ZNF804B: variants seen among roughly 807,000 people sequenced by gnomAD.
The protein encoded by ZNF804B is zinc finger 804B.
ZNF804B carries 80 observed loss-of-function variants against 101.4 expected under a neutral mutation model. That is an observed-to-expected ratio of 0.79 (90% CI 0.66 to 0.95). The LOEUF (loss-of-function observed/expected upper bound fraction) is 0.95. Ranked by LOEUF, ZNF804B falls within the 40% of genes least tolerant of loss-of-function variation. ZNF804B has a pLI of 0.00. For synonymous variants in ZNF804B, 622 were observed against 558.8 expected, an observed-to-expected ratio of 1.11 and a Z score of -1.59; for missense variants, 1,673 against 1,561.9, an observed-to-expected ratio of 1.07 and a Z score of -1.20.
intron 1 of ZNF804B, among the ~76,000 whole-genome samples, chr7:88,777,782 A>G (rs567611084): frequency 6.9e-6 from 1 of 144,988 alleles, no homozygotes; most frequent in Non-Finnish European, 1.5e-5. Flanking sequence ...CCAGAGGCAG[A>G]GGTTGCAGTG....
chr7:89,302,725 G>A (rs1264622663), intron 2 of ZNF804B, among the ~76,000 whole-genome samples: 1 of 151,822 alleles, frequency 6.6e-6, no homozygotes, highest in African/African-American at 2.4e-5. Context: ...TTCAGTTTTA[G>A]TAGATTTTGT....
chr7:88,876,870 A>T (rs1457317892), intron 1 of ZNF804B, among the ~76,000 whole-genome samples: 1 of 150,560 alleles, frequency 6.6e-6, no homozygotes, highest in Admixed American at 6.6e-5. Context: ...ACCACTTAAA[A>T]AGTATGTTGA....
At chr7:89,175,679 T>C (rs1791306691) in intron 1 of ZNF804B, among the ~76,000 whole-genome samples, 1 of 152,070 alleles carries the variant, frequency 6.6e-6, no homozygotes, top group African/African-American at 2.4e-5. Flanking sequence ...ATTTTAACAA[T>C]ATTAACTCTT....
intron 1 of ZNF804B, among the ~76,000 whole-genome samples, chr7:89,157,475 AT>A (rs944955895): frequency 8.6e-5 from 13 of 150,978 alleles, no homozygotes; most frequent in Non-Finnish European, 1.8e-4. Flanking sequence ...ATGGCACATT[AT>A]TTTTTTTCAT....
At chr7:88,901,439 A>G (rs1212670532) in intron 1 of ZNF804B, among the ~76,000 whole-genome samples, 1 of 151,884 alleles carries the variant, frequency 6.6e-6, no homozygotes, top group African/African-American at 2.4e-5. Context: ...ATTCCATGAA[A>G]CGTCCATTAT....
chr7:89,056,087 G>A (rs1197799407), intron 1 of ZNF804B, among the ~76,000 whole-genome samples: 2 of 152,104 alleles, frequency 1.3e-5, no homozygotes, highest in Non-Finnish European at 2.9e-5. Flanking sequence ...CAAGGTTAGA[G>A]GAGCATTGAT....
At chr7:89,124,295 T>C (rs1460339900) in intron 1 of ZNF804B, among the ~76,000 whole-genome samples, 1 of 152,086 alleles carries the variant, frequency 6.6e-6, no homozygotes, top group Non-Finnish European at 1.5e-5. Flanking sequence ...AAACAATAAT[T>C]CTCAGTCTAG....
At chr7:89,203,823 C>A (rs1268183339) in intron 1 of ZNF804B, among the ~76,000 whole-genome samples, 2 of 152,104 alleles carry the variant, frequency 1.3e-5, no homozygotes, top group Non-Finnish European at 1.5e-5. Flanking sequence ...AAAAGCAAAG[C>A]CATTGGCTTT....
At chr7:88,882,758 A>G (rs2115910812) in intron 1 of ZNF804B, among the ~76,000 whole-genome samples, 1 of 152,272 alleles carries the variant, frequency 6.6e-6, no homozygotes, top group Middle Eastern at 3.4e-3. Flanking sequence ...AGGAATGGAA[A>G]AACAAATACT....
chr7:88,865,261 G>A (rs1791710101), intron 1 of ZNF804B, among the ~76,000 whole-genome samples: 2 of 151,624 alleles, frequency 1.3e-5, no homozygotes. Flanking sequence ...ACCAGTTACG[G>A]TGGCTTACAC....
rs186618470 is a variant in ZNF804B at position 89,038,310 on chromosome 7, A to G, written c.109-179845A>G. 9.7e-3 allele frequency among the ~76,000 whole-genome samples: 1,483 copies of G among 152,300 alleles called. 14 individuals are homozygous for G. The highest frequency in any genetic ancestry group is 0.017 in the Non-Finnish European group (1,151 of 68,020). ...AGTGTACGAGAGTTCCCTTCTCTCC[A>G]CATCCTTGCCAACACTTACTTTTTG... On this transcript the variant is annotated intron_variant, in intron 1 of 3. Coordinates refer to ENST00000333190, the MANE Select transcript of ZNF804B (RefSeq NM_181646.5).
At chr7:88,973,337 A>T (rs1349054611) in intron 1 of ZNF804B, among the ~76,000 whole-genome samples, 1 of 151,368 alleles carries the variant, frequency 6.6e-6, no homozygotes, top group Non-Finnish European at 1.5e-5. Context: ...AGCTTGTAAG[A>T]TATAGAATAA....
chr7:89,336,068 G>A lies in ZNF804B; in HGVS notation c.3086G>A (p.Gly1029Asp). ...GATTGTGATAACCATCTTTCTAAAG[G>A]TATAATTCACCTAGTAACAGAGTCT... Reference protein sequence around the residue: ...DTDCDNHLSKGIIHLVTESQS... With the variant: ...DTDCDNHLSKDIIHLVTESQS... Residue 1029 changes from glycine (G) to aspartate (D), a missense_variant, in exon 4 of 4, where the codon GGT becomes GAT. Coordinates refer to ENST00000333190, the MANE Select transcript of ZNF804B (RefSeq NM_181646.5). 1.2e-6 allele frequency: 2 copies of A among 1,613,918 alleles called. No individual in the cohort carries two copies. The highest frequency in any genetic ancestry group is 2.2e-5 in the South Asian group (2 of 91,084).
intron 1 of ZNF804B, among the ~76,000 whole-genome samples, chr7:88,932,272 C>T (rs763843074): frequency 6.6e-6 from 1 of 151,724 alleles, no homozygotes; most frequent in East Asian, 1.9e-4. Flanking sequence ...TAGTTCATAG[C>T]ATTAAATGAC....
chr7:89,061,390 A>ATGTG (rs58438827), intron 1 of ZNF804B, among the ~76,000 whole-genome samples: 6,628 of 150,826 alleles, frequency 0.044, 292 homozygotes, highest in African/African-American at 0.11. Context: ...CCCCATGAAA[A>ATGTG]TGTGTGTGTG....
rs552947821 is a variant in ZNF804B, at chr7:89,154,855, A to G, written c.109-63300A>G. On this transcript the variant is annotated intron_variant, in intron 1 of 3. Coordinates refer to ENST00000333190, the MANE Select transcript of ZNF804B (RefSeq NM_181646.5). Reference sequence around the variant, plus strand: ...AATAATCAATATACATTTAAAAATAACTACAATAGTATAAATATACATTTA... The same window carrying G: ...AATAATCAATATACATTTAAAAATAGCTACAATAGTATAAATATACATTTA... 3.3e-5 allele frequency among the ~76,000 whole-genome samples: 5 copies of G among 152,196 alleles called. No homozygotes were observed. In the East Asian group the frequency reaches 9.7e-4, roughly 29 times the overall value.
At chr7:89,332,642 T>C (rs920178374) in intron 3 of ZNF804B, among the ~76,000 whole-genome samples, 8 of 151,868 alleles carry the variant, frequency 5.3e-5, no homozygotes, top group Non-Finnish European at 1.2e-4. Context: ...GAATTGCTAA[T>C]GAAGCTCAGT....
intron 1 of ZNF804B, among the ~76,000 whole-genome samples, chr7:88,818,171 A>G: frequency 6.6e-6 from 1 of 152,184 alleles, no homozygotes; most frequent in African/African-American, 2.4e-5. Context: ...AAATGAATAA[A>G]TGTTTTATTA....
Position 89,250,459 on chromosome 7 carries a change from A to C in ZNF804B, c.249+32164A>C, listed in dbSNP as rs185097593. Among the ~76,000 whole-genome samples the C allele has an allele frequency of 4.6e-5, 7 of 152,278 alleles. 1 individual carries two copies. The South Asian group carries it at 1.0e-3, about 23-fold the overall frequency. On this transcript the variant is annotated intron_variant, in intron 2 of 3. Transcript: ENST00000333190. ...CAGAAATAAAAAGAAAAAATCTACCAACTAAAAAAAGCCCTGGATCAGATG... is the reference window on the plus strand; with the variant it reads ...CAGAAATAAAAAGAAAAAATCTACCCACTAAAAAAAGCCCTGGATCAGATG...
Sources: allele counts gnomAD v4.1 joint callset (sites outside exome capture counted in the v4.1 genomes callset), GRCh38; gene constraint gnomAD v4.1.1; transcripts MANE v1.5; gene names NCBI Gene and HGNC (gene_info 2026-07-23, HGNC 2026-07-21).